LAMA4: variants seen among roughly 807,000 people sequenced by gnomAD.
LAMA4 encodes laminin subunit alpha-4.
Under a neutral mutation model 207.1 loss-of-function variants are expected in LAMA4, and 127 were observed. The observed-to-expected ratio is 0.61, with a 90% CI of 0.53 to 0.71. LAMA4 has a LOEUF of 0.71. Ranked by LOEUF, LAMA4 falls within the 30% of genes least tolerant of loss-of-function variation. The pLI, the probability that LAMA4 is intolerant of heterozygous loss-of-function variation, is 0.00. For synonymous variants in LAMA4, 761 were observed against 816.0 expected, an observed-to-expected ratio of 0.93 and a Z score of 1.15; for missense variants, 2,093 against 2,246.5, an observed-to-expected ratio of 0.93 and a Z score of 1.38.
chr6:112,175,743 T>G (rs1781988157), intron 10 of LAMA4, among the ~76,000 whole-genome samples: 1 of 152,252 alleles, frequency 6.6e-6, no homozygotes. Flanking sequence ...AACTGGCTAA[T>G]GCAAAGCCTG....
At chr6:112,166,673 A>G (rs1554340042) in intron 12 of LAMA4, among the ~76,000 whole-genome samples, 1 of 152,236 alleles carries the variant, frequency 6.6e-6, no homozygotes, top group East Asian at 1.9e-4. Flanking sequence ...ATATGCTTCA[A>G]GTTAATGAGT....
intron 2 of LAMA4, among the ~76,000 whole-genome samples, chr6:112,224,097 T>C (rs1210799525): frequency 6.6e-6 from 1 of 152,182 alleles, no homozygotes; most frequent in African/African-American, 2.4e-5. Flanking sequence ...CATCTGGCCT[T>C]CCTCTCACAT....
At chr6:112,252,220 G>T (rs1260996719) in intron 2 of LAMA4, among the ~76,000 whole-genome samples, 1 of 152,216 alleles carries the variant, frequency 6.6e-6, no homozygotes, top group Non-Finnish European at 1.5e-5. Flanking sequence ...TTTATCTGCA[G>T]TCTGGGGATC....
Position 112,148,157 on chromosome 6 carries a change from C to A in LAMA4, c.2353G>T (p.Val785Leu). ...NTAVNSARDA[V>L]RNLTEVVPQL... ...AAATTGTGAAATTTCTAAGTGATAC[C>A]TGCATCCCTAGCAGAGTTCACTGCA... The change falls in exon 18 of 39, where the codon GTA (valine) becomes TTA (leucine). Residue 785 changes from valine (V) to leucine (L), a missense_variant and splice_region_variant. Physicochemically the swap from Val to Leu is conservative, Grantham distance 32. Transcript: ENST00000230538. 3 of 1,613,206 alleles carry A rather than the reference C, an allele frequency of 1.9e-6. No individual in the cohort carries two copies. The highest frequency in any genetic ancestry group is 2.5e-6 in the Non-Finnish European group (3 of 1,179,160).
intron 13 of LAMA4, among the ~76,000 whole-genome samples, chr6:112,159,929 C>T (rs1471780056): frequency 6.6e-6 from 1 of 152,018 alleles, no homozygotes; most frequent in Non-Finnish European, 1.5e-5. Context: ...TCCTGTGTTC[C>T]TCCATGTTAA....
chr6:112,191,378 T>G (rs1783111289), intron 6 of LAMA4, among the ~76,000 whole-genome samples: 1 of 152,166 alleles, frequency 6.6e-6, no homozygotes, highest in South Asian at 2.1e-4. Context: ...GGATATAAGA[T>G]GCTAAGACAA....
At chr6:112,163,829 G>A (rs1472038564) in intron 13 of LAMA4, among the ~76,000 whole-genome samples, 3 of 152,108 alleles carry the variant, frequency 2.0e-5, no homozygotes, top group African/African-American at 7.2e-5. Flanking sequence ...TACGCTGATG[G>A]TAATGATTAA....
intron 12 of LAMA4, chr6:112,166,557 G>A (rs1184974518): frequency 6.5e-6 from 1 of 153,592 alleles, no homozygotes; most frequent in African/African-American, 2.4e-5. Flanking sequence ...AGTTCTCTCT[G>A]GGTGACTGCG....
rs369332778 is a variant in LAMA4, at chr6:112,187,578, G to T, written c.838C>A (p.Leu280Met). 14 of 1,613,936 alleles carry T rather than the reference G, an allele frequency of 8.7e-6. No homozygotes were observed. The African/African-American group carries it at 1.7e-4, about 20-fold the overall frequency. Reference sequence around the variant, plus strand: ...GCTGCTAACCGCAGGTCATCAGTCAGGTCCCAGACGCACTTATCACAGCCT... The same window carrying T: ...GCTGCTAACCGCAGGTCATCAGTCATGTCCCAGACGCACTTATCACAGCCT... ...TISCDKCVWD[L>M]TDDLRLAALS... Residue 280 changes from leucine (L) to methionine (M), a missense_variant, in exon 8 of 39, where the codon CTG (leucine) becomes ATG (methionine). Physicochemically the swap from Leu to Met is conservative, Grantham distance 15 (BLOSUM62 2). This residue lies in a region of LAMA4 where 1,704 missense variants were observed against 1,788.4 expected (regional missense o/e 0.95). Coordinates refer to ENST00000230538, the MANE Select transcript of LAMA4 (RefSeq NM_001105206.3).
At chr6:112,155,116 A>T (rs1197647714) in intron 15 of LAMA4, among the ~76,000 whole-genome samples, 169 bp from the exon 16 acceptor site, 3 of 152,212 alleles carry the variant, frequency 2.0e-5, no homozygotes, top group Admixed American at 6.5e-5. Flanking sequence ...TGAGGAAGTA[A>T]TGCCTTTGGC....
At chr6:112,184,983 A>T (rs1288374432) in intron 9 of LAMA4, among the ~76,000 whole-genome samples, 1 of 152,232 alleles carries the variant, frequency 6.6e-6, no homozygotes, top group East Asian at 1.9e-4. Flanking sequence ...AACCGTATCA[A>T]CCCACCGCAA....
At chr6:112,154,110 G>A (rs9320396) in intron 16 of LAMA4, among the ~76,000 whole-genome samples, 46,742 of 151,878 alleles carry the variant, frequency 0.31, 7,656 homozygotes, top group African/African-American at 0.42. Context: ...AAAAATCCTT[G>A]GGAATTAGTT....
intron 5 of LAMA4, among the ~76,000 whole-genome samples, chr6:112,195,127 C>T (rs1260439138): frequency 1.3e-5 from 2 of 152,182 alleles, no homozygotes; most frequent in African/African-American, 4.8e-5. Context: ...ATACAGCTGG[C>T]ACTGAAAGTC....
At chr6:112,244,174 G>C (rs1487139400) in intron 2 of LAMA4, among the ~76,000 whole-genome samples, 1 of 152,182 alleles carries the variant, frequency 6.6e-6, no homozygotes, top group African/African-American at 2.4e-5. Context: ...AGGTCACAAA[G>C]ACCCCGCAGT....
chr6:112,217,947 A>G (rs1374845453), intron 2 of LAMA4: 4 of 152,252 alleles, frequency 2.6e-5, no homozygotes, highest in Non-Finnish European at 5.9e-5. Flanking sequence ...ATTGTGATGC[A>G]GTACACAGAT....
chr6:112,208,949 T>C (rs1583896236), intron 3 of LAMA4, among the ~76,000 whole-genome samples: 1 of 152,164 alleles, frequency 6.6e-6, no homozygotes, highest in Admixed American at 6.5e-5. Context: ...TCCCTTACAG[T>C]TCTTAATACT....
chr6:112,138,814 G>A (rs1160178355), intron 24 of LAMA4, among the ~76,000 whole-genome samples: 10 of 152,102 alleles, frequency 6.6e-5, no homozygotes, highest in Admixed American at 6.5e-4. Flanking sequence ...ATATGGTTTG[G>A]AAAAGTTAGG....
At chr6:112,186,204 C>A (rs529203633) in intron 8 of LAMA4, among the ~76,000 whole-genome samples, 7 of 152,302 alleles carry the variant, frequency 4.6e-5, no homozygotes, top group African/African-American at 1.7e-4. Context: ...TATATCAATT[C>A]ACTGAATTCT....
intron 9 of LAMA4, among the ~76,000 whole-genome samples, chr6:112,181,444 C>T (rs1176206316): frequency 6.6e-6 from 1 of 152,194 alleles, no homozygotes; most frequent in Non-Finnish European, 1.5e-5. Context: ...ATTATCTCCT[C>T]CTCTCTCTGC....
Sources: gnomAD v4.1 joint callset for allele counts (sites outside exome capture counted in the v4.1 genomes callset) on GRCh38, gnomAD v4.1.1 for gene constraint, gnomAD v4.1.1 regional missense constraint, MANE v1.5 for transcripts, NCBI Gene and HGNC (gene_info 2026-07-23, HGNC 2026-07-21) for gene names.